The following TAP1 variants were observed in gnomAD, a reference collection of about 807,000 sequenced individuals.
TAP1 encodes transporter 1, ATP binding cassette subfamily B member.
In TAP1, 56 loss-of-function variants were observed where a neutral mutation model predicts 79.3. The ratio of observed to expected loss-of-function variants is 0.71; its 90% CI spans 0.57 to 0.88. The LOEUF (loss-of-function observed/expected upper bound fraction) is 0.88, where lower values mean the gene tolerates loss of function less well. TAP1 is among the 40% of genes least tolerant of loss of function. TAP1 has a pLI of 0.00. For synonymous variants in TAP1, 355 were observed against 401.4 expected, an observed-to-expected ratio of 0.88 and a Z score of 1.38; for missense variants, 737 against 936.3, an observed-to-expected ratio of 0.79 and a Z score of 2.78.
chr6:32,850,388 G>T lies in TAP1; in HGVS notation c.1180C>A (p.Leu394Met), dbSNP rs756051654. Residue 394 changes from leucine (L) to methionine (M), a missense_variant, in exon 5 of 11, where the codon CTG becomes ATG. By Grantham distance (15) the Leu-to-Met change is conservative (BLOSUM62 2). This residue lies in a region of TAP1 where 406 missense variants were observed against 477.2 expected (regional missense o/e 0.85). Transcript: ENST00000354258. This position sits in a 1 kb window ranked among gnomAD's most constrained non-coding sequence, Gnocchi z 5.5. ...TGGTTGAGTGTCTTTATTTCTTGCA[G>T]CTTTTCCCTAAACTTCTGGGCTTCG... ...EGEAQKFREK[L>M]QEIKTLNQKE... is the part of the protein sequence containing the mutation. 1 of 1,614,266 alleles carries T rather than the reference G, an allele frequency of 6.2e-7. No homozygotes were observed. Among genetic ancestry groups the T allele is most frequent in the Non-Finnish European group, 8.5e-7 (1 of 1,180,054 alleles).
rs1770627315 is a variant in TAP1, at chr6:32,849,121, A to G, written c.1249-3T>C. Reference sequence around the variant, plus strand: ...ACTTTCAGCAGCATACCTGAAATCTATAAAGAGACCACAAAAAAAGGGACT... The same window carrying G: ...ACTTTCAGCAGCATACCTGAAATCTGTAAAGAGACCACAAAAAAAGGGACT... On this transcript the variant is annotated splice_polypyrimidine_tract_variant and splice_region_variant and intron_variant, in intron 5 of 10. Coordinates refer to ENST00000354258, the MANE Select transcript of TAP1 (RefSeq NM_000593.6). 3.2e-6 allele frequency: 5 copies of G among 1,576,038 alleles called. No individual in the cohort carries two copies. In the South Asian group the frequency reaches 3.5e-5, roughly 11 times the overall value.
chr6:32,852,379 C>G lies in TAP1; in HGVS notation c.713+9G>C. On this transcript the variant is annotated intron_variant, in intron 2 of 10. Coordinates refer to ENST00000354258, the MANE Select transcript of TAP1 (RefSeq NM_000593.6). This position sits in a 1 kb window ranked among gnomAD's most constrained non-coding sequence, Gnocchi z 4.8. ...CATTTGCAGGGTGCCCCATTTTCAG[C>G]CCCCAGACCTGGCTATGGTGAGAAT... The G allele has an allele frequency of 5.0e-6, 8 of 1,613,036 alleles. No homozygotes were observed. The highest frequency in any genetic ancestry group is 6.8e-6 in the Non-Finnish European group (8 of 1,180,008).
chr6:32,847,776 A>G lies in TAP1; in HGVS notation c.1741-101T>C. On this transcript the variant is annotated intron_variant, in intron 8 of 10. Coordinates refer to ENST00000354258, the MANE Select transcript of TAP1 (RefSeq NM_000593.6). The surrounding 1 kb of genome is among the most constrained non-coding windows in gnomAD (Gnocchi z 4.7). Reference sequence around the variant, plus strand: ...ATCTTTATTGAGAACATGTCACAAAATCATACTACCTCCCTCCTGACTACA... The same window carrying G: ...ATCTTTATTGAGAACATGTCACAAAGTCATACTACCTCCCTCCTGACTACA... The G allele has an allele frequency of 1.9e-6, 3 of 1,565,830 alleles. No individual in the cohort carries two copies. The East Asian group carries it at 6.7e-5, about 35-fold the overall frequency.
intron 7 of TAP1, 38 bp downstream of exon 7, chr6:32,848,614 G>A (rs1464292063): frequency 6.2e-7 from 1 of 1,608,720 alleles, no homozygotes; most frequent in Non-Finnish European, 8.5e-7. Context: ...CAGAATTGCA[G>A]TTGGGGCCAG....
rs1271580956 is a variant in TAP1 at position 32,848,062 on chromosome 6, C to G, written c.1597G>C (p.Val533Leu). The G allele has an allele frequency of 6.2e-7, 1 of 1,612,264 alleles. No individual in the cohort carries two copies. The highest frequency in any genetic ancestry group is 8.5e-7 in the Non-Finnish European group (1 of 1,179,612). Residue 533 changes from valine (V) to leucine (L), a missense_variant, in exon 8 of 11, where the codon GTG becomes CTG. Around this residue, in one of 5 missense-constraint regions of TAP1, gnomAD observed 266 missense variants for 332.4 expected, o/e 0.80. Coordinates refer to ENST00000354258, the MANE Select transcript of TAP1 (RefSeq NM_000593.6). ...GLTFTLRPGE[V>L]TALVGPNGSG... The stretch of plus-strand genomic sequence containing the variant: ...CCATTGGGTCCCACCAGCGCCGTCA[C>G]CTCGCCAGGGCGTAGGGTGAATGTC...
At chr6:32,849,609 G>T (rs540556813) in intron 5 of TAP1, 86 of 194,866 alleles carry the variant, frequency 4.4e-4, no homozygotes, top group Non-Finnish European at 8.1e-4. Flanking sequence ...AAATTAGCCG[G>T]GCGTGGTGGC....
In TAP1 at chr6:32,851,109, C is replaced by T. The variant is rs762913065; in HGVS notation, c.885G>A (p.Leu295=). 6.2e-7 allele frequency: 1 copy of T among 1,613,040 alleles called. No homozygotes were observed. Among genetic ancestry groups the T allele is most frequent in the South Asian group, 1.1e-5 (1 of 91,074 alleles). ...TCAGATTCTCACTCAGAGAATCACT[C>T]AGGGTGGACGTGTCCTCTGTTACCC... ...MSRVTEDTST[L]SDSLSENLSL... is the part of the protein sequence containing the mutation. The change falls in exon 4 of 11, where the codon CTG becomes CTA. Residue 295 remains leucine (L), a synonymous_variant. Coordinates refer to ENST00000354258, the MANE Select transcript of TAP1 (RefSeq NM_000593.6). This position sits in a 1 kb window ranked among gnomAD's most constrained non-coding sequence, Gnocchi z 4.8.
In TAP1 at chr6:32,847,647, A is replaced by T; in HGVS notation, c.1769T>A (p.Val590Glu). 2 of 1,613,856 alleles carry T rather than the reference A, an allele frequency of 1.2e-6. No individual in the cohort carries two copies. Among genetic ancestry groups the T allele is most frequent in the Non-Finnish European group, 1.7e-6 (2 of 1,180,018 alleles). ...ATTTTCTTGAAGACTTCTTCCAAAT[A>T]CCTGTGGCTCTTGTCCCACTGCAGC... ...QVAAVGQEPQ[V>E]FGRSLQENIA... Residue 590 changes from valine (V) to glutamate (E), a missense_variant, in exon 9 of 11, where the codon GTA becomes GAA. Transcript: ENST00000354258. The surrounding 1 kb of genome is among the most constrained non-coding windows in gnomAD (Gnocchi z 4.7).
rs1770865303 is a variant in TAP1 at position 32,852,657 on chromosome 6, G to C, written c.599-155C>G. The C allele has an allele frequency of 5.9e-6, 9 of 1,527,826 alleles. No individual in the cohort carries two copies. In the Admixed American group the frequency reaches 1.8e-4, roughly 30 times the overall value. 94.6% of individuals were successfully genotyped at this position (1,527,826 alleles called of 1,614,324 possible). A position where few individuals can be genotyped will look rare whatever the true frequency, so the allele number is the denominator to read the frequency against. ...ACGTCTCAATCCCGAACCTAAATAG[G>C]CTGCCCTGGAACTCACTACCCTGTG... On this transcript the variant is annotated intron_variant, in intron 1 of 10. Transcript: ENST00000354258. The surrounding 1 kb of genome is among the most constrained non-coding windows in gnomAD (Gnocchi z 4.8).
chr6:32,850,344 A>C lies in TAP1; in HGVS notation c.1224T>G (p.Tyr408Ter). Reference protein sequence around the residue: ...KTLNQKEAVAYAVNSWTTSIS... With the variant: ...KTLNQKEAVA The stretch of plus-strand genomic sequence containing the variant: ...CACTAGTGGTCCAGGAGTTGACTGC[A>C]TAGGCCACAGCCTCCTTCTGGTTGA... The change falls in exon 5 of 11, where the codon TAT (tyrosine) becomes TAG (stop). Residue 408 changes from tyrosine (Y) to a stop codon, truncating the protein, a stop_gained. Transcript: ENST00000354258. LOFTEE classifies it high-confidence loss of function. This position sits in a 1 kb window ranked among gnomAD's most constrained non-coding sequence, Gnocchi z 5.5. 6.2e-7 allele frequency: 1 copy of C among 1,614,282 alleles called. No homozygotes were observed. The highest frequency in any genetic ancestry group is 8.5e-7 in the Non-Finnish European group (1 of 1,180,052).
rs1770500931 is a variant in TAP1, at chr6:32,847,421, T to C, written c.1903+92A>G. On this transcript the variant is annotated intron_variant, in intron 9 of 10. Transcript: ENST00000354258. The surrounding 1 kb of genome is among the most constrained non-coding windows in gnomAD (Gnocchi z 4.7). ...TCTTACAACTTCAAATTGATGTCCATGAGTAAGGAGGAACTGAAGGATAAA... is the reference window on the plus strand; with the variant it reads ...TCTTACAACTTCAAATTGATGTCCACGAGTAAGGAGGAACTGAAGGATAAA... 8 of 1,577,084 alleles carry C rather than the reference T, an allele frequency of 5.1e-6. No individual in the cohort carries two copies. Among genetic ancestry groups the C allele is most frequent in the Non-Finnish European group, 7.0e-6 (8 of 1,148,102 alleles).
rs1582622306 is a variant in TAP1, at chr6:32,845,784, A to C, written c.2042T>G (p.Val681Gly). Residue 681 changes from valine to glycine, a missense_variant and splice_region_variant, in exon 11 of 11, where the codon GTG becomes GGG. Transcript: ENST00000354258. The surrounding 1 kb of genome is among the most constrained non-coding windows in gnomAD (Gnocchi z 4.5). Reference protein sequence around the residue: ...SALDANSQLQVEQLLYESPER... With the variant: ...SALDANSQLQGEQLLYESPER... ...AGGGCTTTCGTACAGGAGCTGCTCC[A>C]CCTGAGGAAAGACATCGGACCGTCA... 6.2e-7 allele frequency: 1 copy of C among 1,611,020 alleles called. No homozygotes were observed. Among genetic ancestry groups the C allele is most frequent in the Non-Finnish European group, 8.5e-7 (1 of 1,179,896 alleles).
chr6:32,845,889 C>A lies in TAP1; in HGVS notation c.2041-104G>T. On this transcript the variant is annotated intron_variant, in intron 10 of 10. Coordinates refer to ENST00000354258, the MANE Select transcript of TAP1 (RefSeq NM_000593.6). This position sits in a 1 kb window ranked among gnomAD's most constrained non-coding sequence, Gnocchi z 4.5. The stretch of plus-strand genomic sequence containing the variant: ...TGACCTCACAGGATCACTGCTGGCT[C>A]TGCTAACAACCCCAAGGACACCAAC... 1 of 939,622 alleles carries A rather than the reference C, an allele frequency of 1.1e-6. No individual in the cohort carries two copies. Among genetic ancestry groups the A allele is most frequent in the Non-Finnish European group, 1.7e-6 (1 of 602,468 alleles). 58.2% of individuals were successfully genotyped at this position (939,622 alleles called of 1,614,324 possible). A position where few individuals can be genotyped will look rare whatever the true frequency, so the allele number is the denominator to read the frequency against.
At chr6:32,849,950 T>C (rs1282489047) in intron 5 of TAP1, 2 of 366,888 alleles carry the variant, frequency 5.5e-6, no homozygotes, top group Non-Finnish European at 1.0e-5. Flanking sequence ...CTTCCACTAT[T>C]CCCATCACTC....
Position 32,850,408 on chromosome 6 carries a change from G to T in TAP1, c.1160C>A (p.Ala387Asp), listed in dbSNP as rs772241365. ...TTGCAGCTTTTCCCTAAACTTCTGG[G>T]CTTCGCCCTCCTCGTTGGCAAAGCT... ...VRSFANEEGE[A>D]QKFREKLQEI... The change falls in exon 5 of 11, where the codon GCC becomes GAC. Residue 387 changes from alanine to aspartate, a missense_variant. By Grantham distance (126) the Ala-to-Asp change is moderately radical (BLOSUM62 -2). Around this residue, in one of 5 missense-constraint regions of TAP1, gnomAD observed 406 missense variants for 477.2 expected, o/e 0.85. Coordinates refer to ENST00000354258, the MANE Select transcript of TAP1 (RefSeq NM_000593.6). This position sits in a 1 kb window ranked among gnomAD's most constrained non-coding sequence, Gnocchi z 5.5. The T allele has an allele frequency of 1.2e-6, 2 of 1,614,244 alleles. No homozygotes were observed. Among genetic ancestry groups the T allele is most frequent in the Non-Finnish European group, 1.7e-6 (2 of 1,180,044 alleles).
chr6:32,847,985 G>C lies in TAP1; in HGVS notation c.1674C>G (p.Thr558=), dbSNP rs377621191. The C allele has an allele frequency of 1.9e-6, 3 of 1,612,986 alleles. No individual in the cohort carries two copies. Among genetic ancestry groups the C allele is most frequent in the Non-Finnish European group, 1.7e-6 (2 of 1,180,042 alleles). ...TCCCATCCAACAGCAGCTGTCCCCC[G>C]GTGGGCTGGTACAGATTCTGCAGCA... The part of the protein sequence containing the change: ...AALLQNLYQP[T]GGQLLLDGKP... The change falls in exon 8 of 11, where the codon ACC becomes ACG. Residue 558 remains threonine (T), a synonymous_variant. Transcript: ENST00000354258. This position sits in a 1 kb window ranked among gnomAD's most constrained non-coding sequence, Gnocchi z 4.7.
chr6:32,848,391 C>T (rs1770576676), intron 7 of TAP1, among the ~76,000 whole-genome samples: 1 of 152,196 alleles, frequency 6.6e-6, no homozygotes, highest in Non-Finnish European at 1.5e-5. Context: ...AGATGGAAGA[C>T]CGAAGACACA....
rs888687884 is a variant in TAP1 at position 32,845,642 on chromosome 6, C to T, written c.2184G>A (p.Gln728=). 4 of 1,612,958 alleles carry T rather than the reference C, an allele frequency of 2.5e-6. No individual in the cohort carries two copies. In the African/African-American group the frequency reaches 4.0e-5, roughly 16 times the overall value. ...AGTAGCACCCCTTTTTCTCCATGAG[C>T]TGCTGGTGGGTTCCCCCCTCCCGGA... ...GAIREGGTHQ[Q]LMEKKGCYWA... is the part of the protein sequence containing the mutation. Residue 728 remains glutamine, a synonymous_variant, in exon 11 of 11, where the codon CAG becomes CAA. Coordinates refer to ENST00000354258, the MANE Select transcript of TAP1 (RefSeq NM_000593.6). This position sits in a 1 kb window ranked among gnomAD's most constrained non-coding sequence, Gnocchi z 4.5.
chr6:32,850,167 T>C lies in TAP1; in HGVS notation c.1248+153A>G, dbSNP rs1770696012. Reference sequence around the variant, plus strand: ...AAGAGAGGGAGGGGGCTAGGGACACTGAGTAGAGTCATTGAGCCTCAGGTT... The same window carrying C: ...AAGAGAGGGAGGGGGCTAGGGACACCGAGTAGAGTCATTGAGCCTCAGGTT... On this transcript the variant is annotated intron_variant, in intron 5 of 10. Transcript: ENST00000354258. This position sits in a 1 kb window ranked among gnomAD's most constrained non-coding sequence, Gnocchi z 5.5. 1 of 774,574 alleles carries C rather than the reference T, an allele frequency of 1.3e-6. No homozygotes were observed. The highest frequency in any genetic ancestry group is 2.2e-6 in the Non-Finnish European group (1 of 449,852). 48.0% of individuals were successfully genotyped at this position (774,574 alleles called of 1,614,324 possible). A position where few individuals can be genotyped will look rare whatever the true frequency, so the allele number is the denominator to read the frequency against.
Sources: gnomAD v4.1 joint callset for allele counts (sites outside exome capture counted in the v4.1 genomes callset) on GRCh38, gnomAD v4.1.1 for gene constraint, gnomAD v4.1.1 regional missense constraint, Gnocchi (gnomAD v3.1) non-coding constraint, MANE v1.5 for transcripts, NCBI Gene and HGNC (gene_info 2026-07-23, HGNC 2026-07-21) for gene names.